The following KLHL4 variants were observed in gnomAD, a reference collection of about 807,000 sequenced individuals.
The protein encoded by KLHL4 is kelch-like protein 4.
A neutral mutation model predicts 45.8 loss-of-function variants in KLHL4; 17 were observed. The ratio of observed to expected loss-of-function variants is 0.37; its 90% CI spans 0.25 to 0.56. The LOEUF (loss-of-function observed/expected upper bound fraction) is 0.56. Among genes scored for constraint, KLHL4 ranks in the 20% least tolerant of loss-of-function variants. KLHL4 has a pLI of 0.79. For missense variants in KLHL4, 544 were observed against 544.9 expected (o/e 1.00, Z 0.02); for synonymous variants, 224 against 189.9 (o/e 1.18, Z -1.47).
chrX:87,546,778 C>T (rs1246703154), intron 1 of KLHL4, among the ~76,000 whole-genome samples: 1 of 112,771 alleles, frequency 8.9e-6, no homozygotes, highest in Non-Finnish European at 1.9e-5. Flanking sequence ...CCACCCTTTG[C>T]ATCAATGTGC....
intron 9 of KLHL4, among the ~76,000 whole-genome samples, chrX:87,640,900 G>C (rs1923435836): frequency 8.9e-6 from 1 of 112,030 alleles, no homozygotes; most frequent in Admixed American, 9.5e-5. Flanking sequence ...AAGTCAAACT[G>C]TCACTGTTTG....
At position 87,601,268 on chromosome X, in the gene KLHL4, G is replaced by A. The variant is rs1051559373; in HGVS notation, c.423-12609G>A. Among the ~76,000 whole-genome samples the A allele has an allele frequency of 1.1e-4, 12 of 111,705 alleles. No homozygotes were observed. The Admixed American group carries it at 1.1e-3, about 11-fold the overall frequency. Reference sequence around the variant, plus strand: ...GGCCAGATGAGTGAGTTACTTGAGAGATCCAAGTGTCCTGTCCAACTCTTG... The same window carrying A: ...GGCCAGATGAGTGAGTTACTTGAGAAATCCAAGTGTCCTGTCCAACTCTTG... On this transcript the variant is annotated intron_variant, in intron 1 of 10. Transcript: ENST00000373119.
At position 87,669,182 on chromosome X, in the gene KLHL4, A is replaced by T. The variant is rs1374267579; in HGVS notation, c.*2648A>T. On this transcript the variant is annotated 3_prime_UTR_variant, in exon 11 of 11. Coordinates refer to ENST00000373119, the MANE Select transcript of KLHL4 (RefSeq NM_019117.5). ...CAAGAGTGTAAGGGCTCACACATTT[A>T]CTGTACTCAGATCTGAAAGACAATG... 7 of 1,074,102 alleles carry T rather than the reference A, an allele frequency of 6.5e-6. No individual in the cohort carries two copies. Among genetic ancestry groups the T allele is most frequent in the Non-Finnish European group, 8.5e-6 (7 of 825,168 alleles). The allele number at this position is 1,074,102 out of a possible 1,213,427, so 88.5% of individuals were successfully genotyped here. A position where few individuals can be genotyped will look rare whatever the true frequency, so the allele number is the denominator to read the frequency against.
Position 87,669,214 on chromosome X carries a change from C to G in KLHL4, c.*2680C>G. On this transcript the variant is annotated 3_prime_UTR_variant, in exon 11 of 11. Transcript: ENST00000373119. ...TCAGATCTGAAAGACAATGTTGCTT[C>G]TTGATTTTTTTCTATAATCACTATG... The G allele has an allele frequency of 9.0e-7, 1 of 1,109,293 alleles. No homozygotes were observed. Among genetic ancestry groups the G allele is most frequent in the Non-Finnish European group, 1.2e-6 (1 of 842,759 alleles). The allele number at this position is 1,109,293 out of a possible 1,213,427, so 91.4% of individuals were successfully genotyped here. A position where few individuals can be genotyped will look rare whatever the true frequency, so the allele number is the denominator to read the frequency against.
At chrX:87,555,151 T>C (rs1931941304) in intron 1 of KLHL4, among the ~76,000 whole-genome samples, 1 of 103,710 alleles carries the variant, frequency 9.6e-6, no homozygotes, top group Non-Finnish European at 2.0e-5. Context: ...TGCATCAATG[T>C]TCATCAAGGA....
At chrX:87,662,957 G>A (rs1240436060) in intron 9 of KLHL4, among the ~76,000 whole-genome samples, 5 of 104,459 alleles carry the variant, frequency 4.8e-5, no homozygotes, top group Admixed American at 1.0e-4. Flanking sequence ...GCCACTTAAA[G>A]GTCCATCCAC....
At chrX:87,639,019 G>C (rs1419475024) in intron 9 of KLHL4, among the ~76,000 whole-genome samples, 1 of 110,223 alleles carries the variant, frequency 9.1e-6, no homozygotes, top group Non-Finnish European at 1.9e-5. Flanking sequence ...CGTGAAAATG[G>C]ACACAAAAAA....
chrX:87,635,631 C>T lies in KLHL4; in HGVS notation c.1781C>T (p.Thr594Ile). The T allele has an allele frequency of 8.3e-7, 1 of 1,211,206 alleles. No homozygotes were observed. Among genetic ancestry groups the T allele is most frequent in the East Asian group, 3.0e-5 (1 of 33,823 alleles). ...LKSMEYFDPHTNKWSLCAPMS... is the reference protein window; with the variant it reads ...LKSMEYFDPHINKWSLCAPMS... ...TCAATGGAATACTTTGACCCACACACTAACAAGTGGAGTTTGTGTGCTCCA... is the reference window on the plus strand; with the variant it reads ...TCAATGGAATACTTTGACCCACACATTAACAAGTGGAGTTTGTGTGCTCCA... Residue 594 changes from threonine to isoleucine, a missense_variant, in exon 9 of 11, where the codon ACT becomes ATT. Coordinates refer to ENST00000373119, the MANE Select transcript of KLHL4 (RefSeq NM_019117.5).
Position 87,622,358 on chromosome X carries a change from CAG to C in KLHL4, c.1074_1075del (p.Asn359Ter). ...ALMQWVGHDV[Q>X]NRQGELGMLL... ...AATGCAGTGGGTGGGGCATGATGTG[CAG>C]AATAGGCAAGGAGAACTGGGGATGC... On this transcript the variant is annotated frameshift_variant, in exon 5 of 11. Coordinates refer to ENST00000373119, the MANE Select transcript of KLHL4 (RefSeq NM_019117.5). LOFTEE classifies it high-confidence loss of function. 8.3e-7 allele frequency: 1 copy of C among 1,208,699 alleles called. No homozygotes were observed. Among genetic ancestry groups the C allele is most frequent in the Non-Finnish European group, 1.1e-6 (1 of 893,409 alleles).
At chrX:87,570,081 G>C (rs1203304849) in intron 1 of KLHL4, among the ~76,000 whole-genome samples, 2 of 111,020 alleles carry the variant, frequency 1.8e-5, no homozygotes, top group Non-Finnish European at 3.8e-5. Flanking sequence ...ACATTTCAGA[G>C]AACAGGTTAA....
At chrX:87,582,091 A>G (rs1236006412) in intron 1 of KLHL4, among the ~76,000 whole-genome samples, 1 of 111,970 alleles carries the variant, frequency 8.9e-6, no homozygotes, top group African/African-American at 3.3e-5. Context: ...AGAATAGATC[A>G]AGTAGAGGAA....
chrX:87,615,620 G>C (rs1922532705), intron 3 of KLHL4, among the ~76,000 whole-genome samples: 1 of 110,958 alleles, frequency 9.0e-6, no homozygotes, highest in East Asian at 2.8e-4. Flanking sequence ...TACGGTATAT[G>C]AACACAATGT....
intron 9 of KLHL4, among the ~76,000 whole-genome samples, chrX:87,640,986 G>A (rs1923438744): frequency 8.9e-6 from 1 of 112,190 alleles, no homozygotes. Flanking sequence ...AATGAATTCA[G>A]CAAAGTTTCA....
intron 8 of KLHL4, among the ~76,000 whole-genome samples, chrX:87,635,091 T>A (rs1369486836): frequency 1.8e-5 from 2 of 112,095 alleles, no homozygotes; most frequent in Non-Finnish European, 3.8e-5. Context: ...CTTTCCTTAG[T>A]TGTTTATTAA....
chrX:87,636,497 G>A (rs1923267122), intron 9 of KLHL4, among the ~76,000 whole-genome samples: 1 of 111,800 alleles, frequency 8.9e-6, no homozygotes, highest in Admixed American at 9.5e-5. Flanking sequence ...TCTGAGGGAG[G>A]TGGATTGCTG....
intron 1 of KLHL4, among the ~76,000 whole-genome samples, chrX:87,530,109 A>G (rs1466313328): frequency 9.0e-6 from 1 of 110,911 alleles, no homozygotes; most frequent in Non-Finnish European, 1.9e-5. Flanking sequence ...TTTGCTGTGC[A>G]GAAGCTCTTT....
intron 1 of KLHL4, among the ~76,000 whole-genome samples, chrX:87,520,872 T>G (rs939133399): frequency 7.1e-5 from 8 of 112,145 alleles, no homozygotes; most frequent in African/African-American, 2.6e-4. Context: ...TGAAATAATA[T>G]ATATAGGTAT....
intron 6 of KLHL4, 121 bp downstream of exon 6, chrX:87,625,917 G>T (rs188638576): frequency 3.9e-6 from 2 of 513,027 alleles, no homozygotes; most frequent in Non-Finnish European, 6.1e-6. Flanking sequence ...TCATAAATAG[G>T]GTGCATTATA....
In KLHL4 at chrX:87,667,017, T is replaced by C. The variant is rs180815432; in HGVS notation, c.*483T>C. ...TTTTTAGTAAGCCATTATTCTCCTA[T>C]TCAAATAATATCCCAAAGAGCTAAA... On this transcript the variant is annotated 3_prime_UTR_variant, in exon 11 of 11. Coordinates refer to ENST00000373119, the MANE Select transcript of KLHL4 (RefSeq NM_019117.5). 2.2e-5 allele frequency: 16 copies of C among 729,251 alleles called. No homozygotes were observed. The highest frequency in any genetic ancestry group is 7.9e-4 in the Middle Eastern group (1 of 1,263). 60.1% of individuals were successfully genotyped at this position (729,251 alleles called of 1,213,427 possible). A position where few individuals can be genotyped will look rare whatever the true frequency, so the allele number is the denominator to read the frequency against.
Sources: allele counts gnomAD v4.1 joint callset (sites outside exome capture counted in the v4.1 genomes callset), GRCh38; gene constraint gnomAD v4.1.1; transcripts MANE v1.5; gene names NCBI Gene and HGNC (gene_info 2026-07-23, HGNC 2026-07-21).